The following ZNF534 variants were observed in gnomAD, a reference collection of about 807,000 sequenced individuals.
The protein encoded by ZNF534 is zinc finger protein 534, also known as KRAB domain only 3.
In ZNF534, 19 loss-of-function variants were observed where a neutral mutation model predicts 13.6. That is an observed-to-expected ratio of 1.40 (90% CI 0.97 to 2.05). ZNF534 has a LOEUF of 2.05. Among genes scored for constraint, ZNF534 ranks in the 30% most tolerant of loss-of-function variants. The pLI is 0.00. For missense variants in ZNF534, 782 were observed against 796.3 expected (o/e 0.98, Z 0.22); for synonymous variants, 244 against 273.8 (o/e 0.89, Z 1.07).
intron 4 of ZNF534, among the ~76,000 whole-genome samples, chr19:52,436,734 CT>C (rs1452558521): frequency 6.6e-6 from 1 of 152,146 alleles, no homozygotes; most frequent in African/African-American, 2.4e-5. Context: ...GTTAAACCCC[CT>C]AATGGATTTT....
In ZNF534 at chr19:52,442,021, T is replaced by C. The variant is rs1169240292; in HGVS notation, c.*2575T>C. On this transcript the variant is annotated 3_prime_UTR_variant, in exon 5 of 5. Coordinates refer to ENST00000433050, the MANE Select transcript of ZNF534 (RefSeq NM_001143938.3). ...GTAATGTATGTGGCACAGGCTTTCCTGAGGCCTGCCAAATCACTAGAAATC... is the reference window on the plus strand; with the variant it reads ...GTAATGTATGTGGCACAGGCTTTCCCGAGGCCTGCCAAATCACTAGAAATC... 6.8e-6 allele frequency among the ~76,000 whole-genome samples: 1 copy of C among 147,818 alleles called. No homozygotes were observed. Among genetic ancestry groups the C allele is most frequent in the Non-Finnish European group, 1.5e-5 (1 of 67,298 alleles).
chr19:52,446,798 C>T (rs2059196101), downstream of ZNF534, among the ~76,000 whole-genome samples: 1 of 152,246 alleles, frequency 6.6e-6, no homozygotes, highest in African/African-American at 2.4e-5. Flanking sequence ...ATGGAGGCTG[C>T]AGTGAGCTAT....
chr19:52,436,247 CT>C (rs1389925514), intron 4 of ZNF534, among the ~76,000 whole-genome samples: 1 of 152,022 alleles, frequency 6.6e-6, no homozygotes, highest in Non-Finnish European at 1.5e-5. Flanking sequence ...CCTTATTTTT[CT>C]TTAAGCACTT....
Position 52,440,308 on chromosome 19 carries a change from A to G in ZNF534, c.*862A>G, listed in dbSNP as rs2059164027. Among the ~76,000 whole-genome samples, 1 of 152,222 alleles carries G rather than the reference A, an allele frequency of 6.6e-6. No homozygotes were observed. The highest frequency in any genetic ancestry group is 2.1e-4 in the South Asian group (1 of 4,836). On this transcript the variant is annotated 3_prime_UTR_variant, in exon 5 of 5. Coordinates refer to ENST00000433050, the MANE Select transcript of ZNF534 (RefSeq NM_001143938.3). ...GTGTGGCAACGTATTCACTTAAAAT[A>G]CACACCTTGTAAACTATCACAGAAT...
At chr19:52,444,131 T>TCC (rs2059186096), downstream of ZNF534, among the ~76,000 whole-genome samples, 1 of 151,486 alleles carries the variant, frequency 6.6e-6, no homozygotes. Flanking sequence ...TTGGGTAGGC[T>TCC]GTCAGAGGGC....
rs2059140269 is a variant in ZNF534 at position 52,438,039 on chromosome 19, A to G, written c.579A>G (p.Lys193=). The G allele has an allele frequency of 6.2e-7, 1 of 1,614,188 alleles. No homozygotes were observed. The highest frequency in any genetic ancestry group is 2.2e-5 in the East Asian group (1 of 44,872). The change falls in exon 5 of 5, where the codon AAA becomes AAG. Residue 193 remains lysine (K), a synonymous_variant. Coordinates refer to ENST00000433050, the MANE Select transcript of ZNF534 (RefSeq NM_001143938.3). ...EKPYGCNEHG[K]VFRVSSSLTN... ...CTTATGGATGTAATGAGCATGGGAAAGTCTTCAGAGTGTCTTCAAGCCTTA... is the reference window on the plus strand; with the variant it reads ...CTTATGGATGTAATGAGCATGGGAAGGTCTTCAGAGTGTCTTCAAGCCTTA...
rs2059172418 is a variant in ZNF534 at position 52,441,498 on chromosome 19, G to A, written c.*2052G>A. Among the ~76,000 whole-genome samples, 1 of 152,314 alleles carries A rather than the reference G, an allele frequency of 6.6e-6. No homozygotes were observed. Among genetic ancestry groups the A allele is most frequent in the South Asian group, 2.1e-4 (1 of 4,828 alleles). On this transcript the variant is annotated 3_prime_UTR_variant, in exon 5 of 5. Transcript: ENST00000433050. ...GTACTGCACTCCAGCCTGGGTGACA[G>A]AGTGAGACCCTATCTACAAATATAA...
chr19:52,443,357 C>T (rs1335876163), downstream of ZNF534, among the ~76,000 whole-genome samples: 1 of 152,160 alleles, frequency 6.6e-6, no homozygotes, highest in Non-Finnish European at 1.5e-5. Context: ...GTTTTCTAAA[C>T]TTTTAGATTT....
In ZNF534 at chr19:52,435,136, C is replaced by T; in HGVS notation, c.198C>T (p.Pro66=). 1 of 1,613,190 alleles carries T rather than the reference C, an allele frequency of 6.2e-7. No individual in the cohort carries two copies. ...VTSMLEQKRD[P]WTLQSEVKII... is the part of the protein sequence containing the mutation. ...CCATGTTGGAGCAAAAGAGAGATCC[C>T]TGGACTCTGCAGAGTGAAGTGAAAA... Residue 66 remains proline (P), a synonymous_variant, in exon 4 of 5, where the codon CCC becomes CCT. Transcript: ENST00000433050.
At chr19:52,446,555 T>A (rs1568449297), downstream of ZNF534, among the ~76,000 whole-genome samples, 1 of 151,418 alleles carries the variant, frequency 6.6e-6, no homozygotes, top group East Asian at 1.9e-4. Flanking sequence ...GTGAGTGCTT[T>A]AAAAAAAATC....
Position 52,438,577 on chromosome 19 carries a change from C to G in ZNF534, c.1117C>G (p.Arg373Gly). The change falls in exon 5 of 5, where the codon CGG becomes GGG. Residue 373 changes from arginine to glycine, a missense_variant. Transcript: ENST00000433050. ...FSRIAFLARHRKVHTGEKPYK... is the reference protein window; with the variant it reads ...FSRIAFLARHGKVHTGEKPYK... ...TCGAATTGCATTCCTTGCAAGGCATCGGAAAGTTCATACTGGAGAGAAACC... is the reference window on the plus strand; with the variant it reads ...TCGAATTGCATTCCTTGCAAGGCATGGGAAAGTTCATACTGGAGAGAAACC... 1 of 1,582,784 alleles carries G rather than the reference C, an allele frequency of 6.3e-7. No homozygotes were observed. The highest frequency in any genetic ancestry group is 8.6e-7 in the Non-Finnish European group (1 of 1,163,032).
chr19:52,429,800 G>A (rs1321530704), intron 1 of ZNF534, among the ~76,000 whole-genome samples: 2 of 151,840 alleles, frequency 1.3e-5, no homozygotes. Flanking sequence ...TCACCATGTT[G>A]GCCAGGCTGG....
At position 52,438,791 on chromosome 19, in the gene ZNF534, G is replaced by T. The variant is rs779900642; in HGVS notation, c.1331G>T (p.Gly444Val). Reference protein sequence around the residue: ...GEKPYECIDCGKVFRHKSSLT... With the variant: ...GEKPYECIDCVKVFRHKSSLT... ...AAACCTTACGAATGTATAGACTGTG[G>T]CAAGGTCTTCAGGCACAAGTCTTCC... Residue 444 changes from glycine to valine, a missense_variant, in exon 5 of 5, where the codon GGC becomes GTC. Physicochemically the swap from Gly to Val is moderately radical, Grantham distance 109 (BLOSUM62 -3). Around this residue, in one of 5 missense-constraint regions of ZNF534, gnomAD observed 591 missense variants for 574.0 expected, o/e 1.03. Transcript: ENST00000433050. 1.7e-5 allele frequency: 27 copies of T among 1,609,460 alleles called. No homozygotes were observed. Among genetic ancestry groups the T allele is most frequent in the Non-Finnish European group, 2.3e-5 (27 of 1,177,788 alleles).
chr19:52,445,197 ATTTT>A (rs3054888), downstream of ZNF534, among the ~76,000 whole-genome samples: 126,094 of 143,218 alleles, frequency 0.88, 55,801 homozygotes, highest in Non-Finnish European at 0.95. Flanking sequence ...CACTCAGCTA[ATTTT>A]TTTTTTTTTT....
In ZNF534 at chr19:52,439,006, C is replaced by T; in HGVS notation, c.1546C>T (p.His516Tyr). ...ACACCTTGCACAACATAGGGATATT[C>T]ATACTGGAGAGAAGCCTTACAGTTG... Reference protein sequence around the residue: ...NSHLAQHRDIHTGEKPYSCNE... With the variant: ...NSHLAQHRDIYTGEKPYSCNE... Residue 516 changes from histidine (H) to tyrosine (Y), a missense_variant, in exon 5 of 5, where the codon CAT becomes TAT. His to Tyr is a moderately conservative substitution (Grantham distance 83, BLOSUM62 2). Coordinates refer to ENST00000433050, the MANE Select transcript of ZNF534 (RefSeq NM_001143938.3). 1.9e-6 allele frequency: 3 copies of T among 1,603,462 alleles called. No homozygotes were observed. Among genetic ancestry groups the T allele is most frequent in the Non-Finnish European group, 1.7e-6 (2 of 1,174,530 alleles).
intron 3 of ZNF534, among the ~76,000 whole-genome samples, chr19:52,434,450 T>G (rs549285355): frequency 2.9e-3 from 256 of 88,652 alleles, no homozygotes; most frequent in Middle Eastern, 0.012. Flanking sequence ...GGGTGACAGA[T>G]CAAGACTCCG....
chr19:52,435,054 A>G (rs1414577107), intron 3 of ZNF534, 27 bp from the exon 4 acceptor site: 3 of 1,605,282 alleles, frequency 1.9e-6, no homozygotes, highest in Non-Finnish European at 2.6e-6. Context: ...GCCACAGCAC[A>G]CATTTATTCT....
rs1431087031 is a variant in ZNF534 at position 52,435,166 on chromosome 19, A to G, written c.228A>G (p.Ile76Met). ...CTCTGCAGAGTGAAGTGAAAATAAT[A>G]AACAATCCAGATGGCAGGGAGTGCA... The part of the protein sequence containing the change: ...PWTLQSEVKI[I>M]NNPDGRECIK... Residue 76 changes from isoleucine to methionine, a missense_variant, in exon 4 of 5, where the codon ATA (isoleucine) becomes ATG (methionine). By Grantham distance (10) the Ile-to-Met change is conservative. Coordinates refer to ENST00000433050, the MANE Select transcript of ZNF534 (RefSeq NM_001143938.3). The G allele has an allele frequency of 6.2e-7, 1 of 1,612,950 alleles. No individual in the cohort carries two copies. The highest frequency in any genetic ancestry group is 2.2e-5 in the East Asian group (1 of 44,856).
chr19:52,429,411 T>G lies in ZNF534; in HGVS notation c.-68+167T>G, dbSNP rs1001362656. Among the ~76,000 whole-genome samples the G allele has an allele frequency of 2.0e-5, 3 of 152,162 alleles. No individual in the cohort carries two copies. In the East Asian group the frequency reaches 5.8e-4, roughly 29 times the overall value. Reference sequence around the variant, plus strand: ...GTCTGGAGGTCGCTTACCTGCGTGTTAAAACCGCTTGGAGGCTTCTAGGCC... The same window carrying G: ...GTCTGGAGGTCGCTTACCTGCGTGTGAAAACCGCTTGGAGGCTTCTAGGCC... On this transcript the variant is annotated intron_variant, in intron 1 of 4. Transcript: ENST00000433050.
Sources: gnomAD v4.1 joint callset for allele counts (sites outside exome capture counted in the v4.1 genomes callset) on GRCh38, gnomAD v4.1.1 for gene constraint, gnomAD v4.1.1 regional missense constraint, MANE v1.5 for transcripts, NCBI Gene and HGNC (gene_info 2026-07-23, HGNC 2026-07-21) for gene names.